TRPV6: variants seen among roughly 807,000 people sequenced by gnomAD.
TRPV6 encodes transient receptor potential cation channel subfamily V member 6.
TRPV6 carries 39 observed loss-of-function variants against 79.0 expected under a neutral mutation model. That is an observed-to-expected ratio of 0.49 (90% confidence interval 0.38 to 0.64). The LOEUF (loss-of-function observed/expected upper bound fraction) is 0.64. TRPV6 is among the 30% of genes least tolerant of loss of function. The pLI is 0.00. For missense variants in TRPV6, 813 were observed against 1,011.1 expected (o/e 0.80, Z 2.66); for synonymous variants, 373 against 391.9 (o/e 0.95, Z 0.57).
In TRPV6 at chr7:142,871,356, C is replaced by T. The variant is rs1446491784; in HGVS notation, c.*351G>A. The T allele has an allele frequency of 8.9e-6, 4 of 448,260 alleles. No individual in the cohort carries two copies. Among genetic ancestry groups the T allele is most frequent in the African/African-American group, 3.9e-5 (2 of 51,274 alleles). 27.8% of individuals were successfully genotyped at this position (448,260 alleles called of 1,614,324 possible). ...CTGCCTGGGTGCCCTGGGAAGGGCT[C>T]TCTCCCCACTTATGACCCTGGGGTG... On this transcript the variant is annotated 3_prime_UTR_variant, in exon 15 of 15. Coordinates refer to ENST00000359396, the MANE Select transcript of TRPV6 (RefSeq NM_018646.6).
At chr7:142,874,164 G>A (rs1363229597) in intron 11 of TRPV6, 22 bp from the exon 12 acceptor site, 1 of 1,610,826 alleles carries the variant, frequency 6.2e-7, no homozygotes, top group East Asian at 2.2e-5. Context: ...AGGAGGCAGA[G>A]AACATCTGCA....
At chr7:142,881,641 T>TA (rs1795193638) in intron 1 of TRPV6, 1 of 152,182 alleles carries the variant, frequency 6.6e-6, no homozygotes, top group Non-Finnish European at 1.5e-5. Flanking sequence ...GGCAATTAAT[T>TA]ATAATAAAAT....
Position 142,871,477 on chromosome 7 carries a change from C to T in TRPV6, c.*230G>A. Reference sequence around the variant, plus strand: ...TGATGAGCAGGCCACAGGAGAGTTCCTCACGCCCTGCCAGCCCCGTGCTTG... The same window carrying T: ...TGATGAGCAGGCCACAGGAGAGTTCTTCACGCCCTGCCAGCCCCGTGCTTG... On this transcript the variant is annotated 3_prime_UTR_variant, in exon 15 of 15. Coordinates refer to ENST00000359396, the MANE Select transcript of TRPV6 (RefSeq NM_018646.6). 1.8e-6 allele frequency: 1 copy of T among 558,506 alleles called. No homozygotes were observed. The highest frequency in any genetic ancestry group is 3.1e-6 in the Non-Finnish European group (1 of 318,382). The allele number at this position is 558,506 out of a possible 1,614,324, so 34.6% of individuals were successfully genotyped here.
At chr7:142,877,872 G>T in intron 2 of TRPV6, 57 bp downstream of exon 2, 1 of 1,612,990 alleles carries the variant, frequency 6.2e-7, no homozygotes, top group East Asian at 2.2e-5. Context: ...GGGCACTCCT[G>T]GGAGGCCCCA....
Position 142,873,860 on chromosome 7 carries a change from C to T in TRPV6, c.1640-144G>A. ...GCTCCAAACTTTGGGTTTTTACGGT[C>T]CCTAGTTTTGTATGAGCCTCATCTT... On this transcript the variant is annotated intron_variant, in intron 12 of 14. Transcript: ENST00000359396. The surrounding 1 kb of genome is among the most constrained non-coding windows in gnomAD (Gnocchi z 4.8). 1 of 1,246,254 alleles carries T rather than the reference C, an allele frequency of 8.0e-7. No individual in the cohort carries two copies. Among genetic ancestry groups the T allele is most frequent in the Non-Finnish European group, 1.1e-6 (1 of 890,058 alleles). 77.2% of individuals were successfully genotyped at this position (1,246,254 alleles called of 1,614,324 possible). A position where few individuals can be genotyped will look rare whatever the true frequency, so the allele number is the denominator to read the frequency against.
At position 142,875,600 on chromosome 7, in the gene TRPV6, G is replaced by A. The variant is rs145524831; in HGVS notation, c.1110C>T (p.Cys370=). 251 of 1,613,804 alleles carry A rather than the reference G, an allele frequency of 1.6e-4. No individual in the cohort carries two copies. In the African/African-American group the frequency reaches 2.8e-3, roughly 18 times the overall value. The change falls in exon 8 of 15, where the codon TGC becomes TGT. Residue 370 remains cysteine (C), a synonymous_variant. Coordinates refer to ENST00000359396, the MANE Select transcript of TRPV6 (RefSeq NM_018646.6). ...ACAGCAGATATATGGCACCCAGCAT[G>A]CAGAAGTACGGCCGCCCGTACCGCT...
intron 1 of TRPV6, chr7:142,881,211 G>A (rs1482776478): frequency 6.6e-6 from 1 of 152,138 alleles, no homozygotes; most frequent in Non-Finnish European, 1.5e-5. Context: ...AAAGATTCCT[G>A]TGCTTGGGGG....
At position 142,876,573 on chromosome 7, in the gene TRPV6, C is replaced by T. The variant is rs770740132; in HGVS notation, c.717G>A (p.Val239=). The T allele has an allele frequency of 3.2e-5, 51 of 1,613,926 alleles. No individual in the cohort carries two copies. The highest frequency in any genetic ancestry group is 4.0e-5 in the Non-Finnish European group (47 of 1,179,970). The stretch of plus-strand genomic sequence containing the variant: ...TGGGCTGGAGGATGAGGATGTGTAA[C>T]ACTGTGTTTCCTGGGGAGGACACAG... Residue 239 remains valine, a synonymous_variant, in exon 6 of 15, where the codon GTG becomes GTA. Coordinates refer to ENST00000359396, the MANE Select transcript of TRPV6 (RefSeq NM_018646.6).
Position 142,877,213 on chromosome 7 carries a change from C to T in TRPV6, c.536G>A (p.Arg179His), listed in dbSNP as rs777414117. The T allele has an allele frequency of 9.3e-6, 15 of 1,614,072 alleles. No homozygotes were observed. Among genetic ancestry groups the T allele is most frequent in the African/African-American group, 6.7e-5 (5 of 74,928 alleles). Residue 179 changes from arginine to histidine, a missense_variant, in exon 4 of 15, where the codon CGC (arginine) becomes CAC (histidine). By Grantham distance (29) the Arg-to-His change is conservative (BLOSUM62 0). Around this residue, in one of 3 missense-constraint regions of TRPV6, gnomAD observed 555 missense variants for 631.0 expected, o/e 0.88. Transcript: ENST00000359396. ...GGCTCTGGCAGAGACACTGGCCCTG[C>T]GGGCAAGCAGGGCTCGCACCAGGTT...
At chr7:142,879,305 G>T (rs1326447393) in intron 1 of TRPV6, 1 of 152,092 alleles carries the variant, frequency 6.6e-6, no homozygotes, top group African/African-American at 2.4e-5. Context: ...GCTTGTTTTA[G>T]GCAAAATTAT....
chr7:142,882,506 GC>G (rs1334137532), intron 1 of TRPV6: 1 of 152,176 alleles, frequency 6.6e-6, no homozygotes, highest in Non-Finnish European at 1.5e-5. Flanking sequence ...AGGTTGGGGG[GC>G]AAGCCTGAGC....
chr7:142,883,924 G>A (rs1273942463), intron 1 of TRPV6: 1 of 152,560 alleles, frequency 6.6e-6, no homozygotes, highest in African/African-American at 2.4e-5. Flanking sequence ...CATATGATCT[G>A]AGGAAAAGTG....
At chr7:142,875,934 A>C in intron 6 of TRPV6, 30 bp from the exon 7 acceptor site, 1 of 1,548,146 alleles carries the variant, frequency 6.5e-7, no homozygotes, top group Non-Finnish European at 8.7e-7. Context: ...ACTCAGGAGC[A>C]GTAAGCAAAG....
rs1274053977 is a variant in TRPV6 at position 142,877,928 on chromosome 7, C to T, written c.346+1G>A. On this transcript the variant is annotated splice_donor_variant, in intron 2 of 14. Transcript: ENST00000359396. LOFTEE classifies it high-confidence loss of function. The stretch of plus-strand genomic sequence containing the variant: ...GATCATGCTGCATTTGTGCTTCTTA[C>T]CTCTCTGGTGCACCTTGCAATCCTC... 6.2e-7 allele frequency: 1 copy of T among 1,614,070 alleles called. No individual in the cohort carries two copies. The highest frequency in any genetic ancestry group is 1.1e-5 in the South Asian group (1 of 91,090).
chr7:142,877,630 C>T (rs4987652), intron 3 of TRPV6, 21 bp downstream of exon 3: 87,973 of 1,612,692 alleles, frequency 0.055, 3,719 homozygotes, highest in African/African-American at 0.21. Context: ...TGCTCTTCAC[C>T]CCAGACCCGT....
chr7:142,875,840 G>C lies in TRPV6; in HGVS notation c.947C>G (p.Thr316Ser), dbSNP rs754397407. The change falls in exon 7 of 15, where the codon ACT (threonine) becomes AGT (serine). Residue 316 changes from threonine (T) to serine (S), a missense_variant. By Grantham distance (58) the Thr-to-Ser change is moderately conservative. This residue lies in a region of TRPV6 where 555 missense variants were observed against 631.0 expected (regional missense o/e 0.88). Transcript: ENST00000359396. Reference sequence around the variant, plus strand: ...GTCGATCTCTGTGAGGTCATAGAGAGTCGAGGTCAGTGGTCCATACGTCCA... The same window carrying C: ...GTCGATCTCTGTGAGGTCATAGAGACTCGAGGTCAGTGGTCCATACGTCCA... 104 of 1,611,112 alleles carry C rather than the reference G, an allele frequency of 6.5e-5. 2 individuals are homozygous for C. The South Asian group carries it at 1.1e-3, about 17-fold the overall frequency.
intron 1 of TRPV6, chr7:142,880,420 A>C (rs1028516168): frequency 9.2e-5 from 14 of 152,176 alleles, no homozygotes; most frequent in African/African-American, 3.4e-4. Context: ...AGGGTACTCG[A>C]GGGAAGAGAC....
Position 142,871,682 on chromosome 7 carries a change from C to A in TRPV6, c.*25G>T. ...CACCCAGGAAAATGAGAGCAAGTTC[C>A]AGGAAGCGAAGTGAGAACACGCAGT... On this transcript the variant is annotated 3_prime_UTR_variant, in exon 15 of 15. Coordinates refer to ENST00000359396, the MANE Select transcript of TRPV6 (RefSeq NM_018646.6). 1 of 1,552,866 alleles carries A rather than the reference C, an allele frequency of 6.4e-7. No individual in the cohort carries two copies. The highest frequency in any genetic ancestry group is 1.2e-5 in the South Asian group (1 of 81,342).
chr7:142,878,088 G>A, intron 1 of TRPV6, 62 bp from the exon 2 acceptor site: 2 of 1,411,492 alleles, frequency 1.4e-6, no homozygotes, highest in Non-Finnish European at 2.0e-6. Context: ...GGAGGGAGAG[G>A]CCCTGGCTTG....
Sources: allele counts gnomAD v4.1 joint callset, GRCh38; gene constraint gnomAD v4.1.1; regional missense constraint gnomAD v4.1.1; non-coding constraint Gnocchi (gnomAD v3.1); transcripts MANE v1.5; gene names NCBI Gene and HGNC (gene_info 2026-07-23, HGNC 2026-07-21).